The following VPS33B variants were observed in gnomAD, a reference collection of about 807,000 sequenced individuals.
VPS33B encodes the protein vacuolar protein sorting-associated protein 33B.
A neutral mutation model predicts 95.3 loss-of-function variants in VPS33B; 80 were observed. That is an observed-to-expected ratio of 0.84 (90% confidence interval 0.70 to 1.01). VPS33B has a LOEUF of 1.01. Ranked by LOEUF, VPS33B falls within the 50% of genes least tolerant of loss-of-function variation. The pLI, the probability that VPS33B is intolerant of heterozygous loss-of-function variation, is 0.00. For synonymous variants in VPS33B, 280 were observed against 280.4 expected, an observed-to-expected ratio of 1.00 and a Z score of 0.01; for missense variants, 715 against 773.4, an observed-to-expected ratio of 0.92 and a Z score of 0.90.
rs1020742359 is a variant in VPS33B at position 91,002,135 on chromosome 15, A to T, written c.1320T>A (p.Ala440=). The part of the protein sequence containing the change: ...HLLTFSNLRR[A]GLLTEQAPGD... The stretch of plus-strand genomic sequence containing the variant: ...CGGGGGCCTGCTCCGTTAGGAGCCC[A>T]GCTCTTCGCAGATTGGAGAAGGTTA... Residue 440 remains alanine (A), a synonymous_variant, in exon 18 of 23, where the codon GCT becomes GCA. Coordinates refer to ENST00000333371, the MANE Select transcript of VPS33B (RefSeq NM_018668.5). This position sits in a 1 kb window ranked among gnomAD's most constrained non-coding sequence, Gnocchi z 4.7. The T allele has an allele frequency of 6.2e-7, 1 of 1,614,204 alleles. No individual in the cohort carries two copies. Among genetic ancestry groups the T allele is most frequent in the African/African-American group, 1.3e-5 (1 of 75,042 alleles).
At position 91,005,738 on chromosome 15, in the gene VPS33B, T is replaced by G; in HGVS notation, c.986A>C (p.Gln329Pro). ...DIKQMKNFVS[Q>P]ELKGLKQEHR... The stretch of plus-strand genomic sequence containing the variant: ...CTCCTGTTTCAGGCCCTTGAGCTCC[T>G]GGGACACGAAATTCTTCATCTGCTT... Residue 329 changes from glutamine to proline, a missense_variant, in exon 13 of 23, where the codon CAG becomes CCG. Transcript: ENST00000333371. This position sits in a 1 kb window ranked among gnomAD's most constrained non-coding sequence, Gnocchi z 6.4. The G allele has an allele frequency of 6.2e-7, 1 of 1,614,172 alleles. No individual in the cohort carries two copies. The highest frequency in any genetic ancestry group is 1.1e-5 in the South Asian group (1 of 91,088).
At position 91,001,377 on chromosome 15, in the gene VPS33B, T is replaced by C. The variant is rs1487389749; in HGVS notation, c.1479+12A>G. ...ACCCACTGTCTCCCCTAACCATCCC[T>C]GTTCCACATACCAAATTCAGCTTTT... On this transcript the variant is annotated intron_variant, in intron 19 of 22. Coordinates refer to ENST00000333371, the MANE Select transcript of VPS33B (RefSeq NM_018668.5). 6.2e-7 allele frequency: 1 copy of C among 1,606,610 alleles called. No homozygotes were observed. Among genetic ancestry groups the C allele is most frequent in the African/African-American group, 1.3e-5 (1 of 74,666 alleles).
intron 2 of VPS33B, among the ~76,000 whole-genome samples, chr15:91,017,275 C>T (rs1320381258): frequency 6.7e-6 from 1 of 148,398 alleles, no homozygotes; most frequent in Non-Finnish European, 1.5e-5. Flanking sequence ...GTAATCCCAG[C>T]ACGTTGGGAG....
At chr15:91,003,041 GC>G (rs2040488395) in intron 17 of VPS33B, 43 bp downstream of exon 17, 1 of 1,606,852 alleles carries the variant, frequency 6.2e-7, no homozygotes, top group South Asian at 1.1e-5. Flanking sequence ...CCCAATAACT[GC>G]CCTCCATCAA....
chr15:91,011,871 C>G lies in VPS33B; in HGVS notation c.357+1933G>C, dbSNP rs2040789630. Among the ~76,000 whole-genome samples, 2 of 152,024 alleles carry G rather than the reference C, an allele frequency of 1.3e-5. No individual in the cohort carries two copies. The highest frequency in any genetic ancestry group is 4.2e-4 in the South Asian group (2 of 4,816). ...ACGCACGGTGGTGCACATCTGTAGT[C>G]CCAGCTACTCGGGAAGCTGAGGCAG... is the stretch of plus-strand genomic sequence containing the variant. On this transcript the variant is annotated intron_variant, in intron 5 of 22. Transcript: ENST00000333371. This position sits in a 1 kb window ranked among gnomAD's most constrained non-coding sequence, Gnocchi z 5.5.
At chr15:91,003,266 A>G in intron 16 of VPS33B, 135 bp from the exon 17 acceptor site, 1 of 911,054 alleles carries the variant, frequency 1.1e-6, no homozygotes, top group South Asian at 1.3e-5. Flanking sequence ...CAGAGTATAC[A>G]TTTGGTTCTA....
chr15:91,011,244 G>A lies in VPS33B; in HGVS notation c.358-1398C>T, dbSNP rs1395452290. Among the ~76,000 whole-genome samples the A allele has an allele frequency of 6.6e-6, 1 of 152,222 alleles. No homozygotes were observed. The highest frequency in any genetic ancestry group is 2.4e-5 in the African/African-American group (1 of 41,456). On this transcript the variant is annotated intron_variant, in intron 5 of 22. Transcript: ENST00000333371. The surrounding 1 kb of genome is among the most constrained non-coding windows in gnomAD (Gnocchi z 5.5). Reference sequence around the variant, plus strand: ...GGGCACTCACATCTGATAATGAGTTGACATTATTAACAGCTAATGTTGTAA... The same window carrying A: ...GGGCACTCACATCTGATAATGAGTTAACATTATTAACAGCTAATGTTGTAA...
rs2040555000 is a variant in VPS33B at position 91,004,917 on chromosome 15, T to C, written c.1185A>G (p.Glu395=). 1.2e-6 allele frequency: 2 copies of C among 1,614,210 alleles called. No individual in the cohort carries two copies. The highest frequency in any genetic ancestry group is 1.7e-6 in the Non-Finnish European group (2 of 1,180,044). Residue 395 remains glutamate (E), a synonymous_variant, in exon 16 of 23, where the codon GAA becomes GAG. Coordinates refer to ENST00000333371, the MANE Select transcript of VPS33B (RefSeq NM_018668.5). ...EHIDRQVSPI[E]SLRLMCLLSI... ...ACAAAAGGCACATGAGGCGCAGGCT[T>C]TCTATAGGCGACACCTGCATAGGAA...
chr15:91,017,666 C>T lies in VPS33B; in HGVS notation c.177+139G>A, dbSNP rs116562508. The T allele has an allele frequency of 1.1e-4, 92 of 803,588 alleles. No homozygotes were observed. The African/African-American group carries it at 1.5e-3, about 13-fold the overall frequency. The allele number at this position is 803,588 out of a possible 1,614,324, so 49.8% of individuals were successfully genotyped here. On this transcript the variant is annotated intron_variant, in intron 2 of 22. Coordinates refer to ENST00000333371, the MANE Select transcript of VPS33B (RefSeq NM_018668.5). The stretch of plus-strand genomic sequence containing the variant: ...ACACAAAACAAAAAAATACGAACAG[C>T]ATCAATCTCCCTTTTCTACCCAATT...
intron 16 of VPS33B, among the ~76,000 whole-genome samples, chr15:91,003,425 G>A (rs2040500490): frequency 6.6e-6 from 1 of 152,010 alleles, no homozygotes; most frequent in African/African-American, 2.4e-5. Flanking sequence ...GAGGAGAAGT[G>A]ACGACTCATG....
At chr15:91,014,020 C>G in intron 4 of VPS33B, 149 bp from the exon 5 acceptor site, 1 of 921,350 alleles carries the variant, frequency 1.1e-6, no homozygotes, top group Non-Finnish European at 1.7e-6. Flanking sequence ...GAGTTTGCGA[C>G]CAGCCTGGCC....
In VPS33B at chr15:91,013,663, A is replaced by T. The variant is rs1005918911; in HGVS notation, c.357+141T>A. On this transcript the variant is annotated intron_variant, in intron 5 of 22. Transcript: ENST00000333371. The surrounding 1 kb of genome is among the most constrained non-coding windows in gnomAD (Gnocchi z 4.5). ...TGAGCTAAATAAATTTCTGTTCATT[A>T]TAAATTACCTAGTCTCAGGTATTCT... The T allele has an allele frequency of 3.9e-5, 35 of 893,632 alleles. No individual in the cohort carries two copies. Among genetic ancestry groups the T allele is most frequent in the Non-Finnish European group, 5.9e-5 (32 of 540,950 alleles). 55.4% of individuals were successfully genotyped at this position (893,632 alleles called of 1,614,324 possible).
At position 91,002,362 on chromosome 15, in the gene VPS33B, T is replaced by C. The variant is rs2040464004; in HGVS notation, c.1273-180A>G. Among the ~76,000 whole-genome samples, 1 of 152,190 alleles carries C rather than the reference T, an allele frequency of 6.6e-6. No homozygotes were observed. Among genetic ancestry groups the C allele is most frequent in the African/African-American group, 2.4e-5 (1 of 41,448 alleles). On this transcript the variant is annotated intron_variant, in intron 17 of 22. Coordinates refer to ENST00000333371, the MANE Select transcript of VPS33B (RefSeq NM_018668.5). This position sits in a 1 kb window ranked among gnomAD's most constrained non-coding sequence, Gnocchi z 4.7. ...AAACAGGGCTGGGAGCGGTGGCTCATGCCTGTAATCCCAGCACTTTGGGTT... is the reference window on the plus strand; with the variant it reads ...AAACAGGGCTGGGAGCGGTGGCTCACGCCTGTAATCCCAGCACTTTGGGTT...
chr15:91,007,989 T>G lies in VPS33B; in HGVS notation c.404-25A>C, dbSNP rs1421498882. 4 of 1,611,422 alleles carry G rather than the reference T, an allele frequency of 2.5e-6. No homozygotes were observed. In the African/African-American group the frequency reaches 4.0e-5, roughly 16 times the overall value. ...TCTGTGGGGACAGAGAGCATCAGCC[T>G]CCCTGCAGAAGGTACTTAGCTCCAC... On this transcript the variant is annotated intron_variant, in intron 6 of 22. Coordinates refer to ENST00000333371, the MANE Select transcript of VPS33B (RefSeq NM_018668.5). This position sits in a 1 kb window ranked among gnomAD's most constrained non-coding sequence, Gnocchi z 5.3.
chr15:91,012,360 C>T (rs900068490), intron 5 of VPS33B, among the ~76,000 whole-genome samples: 1 of 152,142 alleles, frequency 6.6e-6, no homozygotes, highest in Admixed American at 6.5e-5. Flanking sequence ...CACTTGATTT[C>T]TTATTTCAAC....
rs1181962580 is a variant in VPS33B, at chr15:91,017,115, C to T, written c.178-91G>A. 2.7e-6 allele frequency: 3 copies of T among 1,111,118 alleles called. No homozygotes were observed. The East Asian group carries it at 7.1e-5, about 26-fold the overall frequency. The allele number at this position is 1,111,118 out of a possible 1,614,324, so 68.8% of individuals were successfully genotyped here. On this transcript the variant is annotated intron_variant, in intron 2 of 22. Coordinates refer to ENST00000333371, the MANE Select transcript of VPS33B (RefSeq NM_018668.5). ...AGATAGGGGACTTCTTGAGGGCTTC[C>T]TAATTATGCTAATTATTGAGGGCTT...
In VPS33B at chr15:91,005,348, G is replaced by A. The variant is rs1269170523; in HGVS notation, c.1105+32C>T. The A allele has an allele frequency of 1.9e-6, 3 of 1,613,986 alleles. No homozygotes were observed. Among genetic ancestry groups the A allele is most frequent in the Non-Finnish European group, 2.5e-6 (3 of 1,180,020 alleles). On this transcript the variant is annotated intron_variant, in intron 14 of 22. Transcript: ENST00000333371. This position sits in a 1 kb window ranked among gnomAD's most constrained non-coding sequence, Gnocchi z 6.4. The stretch of plus-strand genomic sequence containing the variant: ...CTGGGAGCTGGGGAAGTAGAAGCGT[G>A]GGCAGTAGCACAGCAAGGCTGCGGC...
intron 3 of VPS33B, among the ~76,000 whole-genome samples, chr15:91,016,326 A>G (rs1317147814): frequency 6.6e-6 from 1 of 152,108 alleles, no homozygotes; most frequent in African/African-American, 2.4e-5. Context: ...GTCTATGACA[A>G]ATAATGTGGA....
Position 91,000,427 on chromosome 15 carries a change from CA to C in VPS33B, c.1581+62del. On this transcript the variant is annotated intron_variant, in intron 20 of 22. Transcript: ENST00000333371. The surrounding 1 kb of genome is among the most constrained non-coding windows in gnomAD (Gnocchi z 4.9). ...AAAAAAAAAAAACATTGAGACACGC[CA>C]GGGACCAAGAGAAAGCAGAGAGAAT... 6.7e-7 allele frequency: 1 copy of C among 1,493,946 alleles called. No individual in the cohort carries two copies. The highest frequency in any genetic ancestry group is 1.7e-5 in the Admixed American group (1 of 57,178). The allele number at this position is 1,493,946 out of a possible 1,614,324, so 92.5% of individuals were successfully genotyped here. A position where few individuals can be genotyped will look rare whatever the true frequency, so the allele number is the denominator to read the frequency against.
Sources: allele counts gnomAD v4.1 joint callset (sites outside exome capture counted in the v4.1 genomes callset), GRCh38; gene constraint gnomAD v4.1.1; non-coding constraint Gnocchi (gnomAD v3.1); transcripts MANE v1.5; gene names NCBI Gene and HGNC (gene_info 2026-07-23, HGNC 2026-07-21).